The following FOXP2 variants were observed in gnomAD, a reference collection of about 807,000 sequenced individuals.
FOXP2 encodes forkhead box P2.
Under a neutral mutation model 115.8 loss-of-function variants are expected in FOXP2, and 12 were observed. The observed-to-expected ratio is 0.10, with a 90% CI of 0.07 to 0.17. The LOEUF is 0.17. FOXP2 is among the 10% of genes least tolerant of loss of function. The pLI, the probability that FOXP2 is intolerant of heterozygous loss-of-function variation, is 1.00. For synonymous variants in FOXP2, 328 were observed against 297.7 expected, an observed-to-expected ratio of 1.10 and a Z score of -1.05; for missense variants, 629 against 843.5, an observed-to-expected ratio of 0.75 and a Z score of 3.15.
chr7:114,423,974 T>C (rs970406623), intron 1 of FOXP2, among the ~76,000 whole-genome samples: 2 of 151,534 alleles, frequency 1.3e-5, no homozygotes, highest in Non-Finnish European at 3.0e-5. Flanking sequence ...GTACTATCAC[T>C]GTTATAGTTT....
At position 114,339,091 on chromosome 7, in the gene FOXP2, G is replaced by A. The variant is rs368417370; in HGVS notation, c.-11+50982G>A. On this transcript the variant is annotated intron_variant, in intron 2 of 17. Transcript: ENST00000634411. ...GAAAAAAGTGTACTATTGAGACTGA[G>A]ATGAAAGGCAAGAGCTGTTGAAATG... is the stretch of plus-strand genomic sequence containing the variant. Among the ~76,000 whole-genome samples the A allele has an allele frequency of 6.6e-5, 10 of 151,248 alleles. No homozygotes were observed. In the East Asian group the frequency reaches 1.4e-3, roughly 20 times the overall value.
intron 1 of FOXP2, among the ~76,000 whole-genome samples, chr7:114,090,002 T>C (rs1299188857): frequency 6.6e-6 from 1 of 151,992 alleles, no homozygotes; most frequent in Non-Finnish European, 1.5e-5. Context: ...ATAAAACTTA[T>C]TTACATAAAA....
chr7:114,625,482 T>G (rs1251700598), intron 3 of FOXP2, among the ~76,000 whole-genome samples: 1 of 151,898 alleles, frequency 6.6e-6, no homozygotes, highest in Non-Finnish European at 1.5e-5. Context: ...TTTAAAAGGC[T>G]GATACTGATT....
At chr7:114,545,722 A>G (rs2129283845) in intron 3 of FOXP2, among the ~76,000 whole-genome samples, 1 of 152,238 alleles carries the variant, frequency 6.6e-6, no homozygotes, top group Non-Finnish European at 1.5e-5. Context: ...ATAGTTACTC[A>G]AACATCGGTT....
chr7:114,489,907 C>T (rs1195917950), intron 2 of FOXP2, among the ~76,000 whole-genome samples: 1 of 151,966 alleles, frequency 6.6e-6, no homozygotes, highest in African/African-American at 2.4e-5. Flanking sequence ...TCAGAATGGC[C>T]CAAATCCAGA....
At chr7:114,497,657 ATAAATAAG>A (rs1385943024) in intron 2 of FOXP2, among the ~76,000 whole-genome samples, 1 of 131,948 alleles carries the variant, frequency 7.6e-6, no homozygotes, top group East Asian at 2.1e-4. Flanking sequence ...CATCTAAAAA[ATAAATAAG>A]TAAATAAATA....
intron 3 of FOXP2, among the ~76,000 whole-genome samples, chr7:114,592,090 C>T (rs2129308487): frequency 6.6e-6 from 1 of 152,152 alleles, no homozygotes; most frequent in South Asian, 2.1e-4. Flanking sequence ...TAGAGAGTTT[C>T]TGTGAGATTT....
chr7:114,564,648 G>A (rs1800916924), intron 3 of FOXP2, among the ~76,000 whole-genome samples: 1 of 152,062 alleles, frequency 6.6e-6, no homozygotes, highest in Non-Finnish European at 1.5e-5. Flanking sequence ...GGGAGGCCGA[G>A]GTGGGAGGAT....
chr7:114,242,448 A>G (rs766179642), intron 1 of FOXP2, among the ~76,000 whole-genome samples: 3 of 152,060 alleles, frequency 2.0e-5, no homozygotes, highest in Non-Finnish European at 2.9e-5. Flanking sequence ...TGTTGCATCA[A>G]ATTTACAATT....
At chr7:114,661,514 A>G (rs575589701) in intron 13 of FOXP2, among the ~76,000 whole-genome samples, 2 of 152,138 alleles carry the variant, frequency 1.3e-5, no homozygotes, top group African/African-American at 4.8e-5. Context: ...TTGTGCAGGC[A>G]GAACGTTACA....
chr7:114,547,849 A>G (rs1424605611), intron 3 of FOXP2, among the ~76,000 whole-genome samples: 1 of 152,230 alleles, frequency 6.6e-6, no homozygotes, highest in East Asian at 1.9e-4. Context: ...ATTTATTGGT[A>G]TATAATTTTT....
intron 3 of FOXP2, among the ~76,000 whole-genome samples, chr7:114,625,931 A>G (rs1804549214): frequency 6.6e-6 from 1 of 151,734 alleles, no homozygotes; most frequent in Non-Finnish European, 1.5e-5. Flanking sequence ...TTTTGTACAC[A>G]TAGAAGTAGA....
intron 2 of FOXP2, among the ~76,000 whole-genome samples, chr7:114,473,436 T>G (rs1238088066): frequency 6.6e-6 from 1 of 152,196 alleles, no homozygotes; most frequent in Non-Finnish European, 1.5e-5. Context: ...GGTCTGCTTA[T>G]TAAAAGTTAT....
At chr7:114,254,430 C>T (rs190518813) in intron 1 of FOXP2, among the ~76,000 whole-genome samples, 1 of 152,292 alleles carries the variant, frequency 6.6e-6, no homozygotes, top group Non-Finnish European at 1.5e-5. Context: ...TCAGGTACAC[C>T]AATCAGACAT....
At chr7:114,156,836 T>G (rs1792684601) in intron 1 of FOXP2, among the ~76,000 whole-genome samples, 1 of 152,290 alleles carries the variant, frequency 6.6e-6, no homozygotes, top group Non-Finnish European at 1.5e-5. Context: ...GAAATTGTCA[T>G]GTAACATGAT....
chr7:114,138,083 A>G (rs1792090760), intron 1 of FOXP2, among the ~76,000 whole-genome samples: 1 of 152,204 alleles, frequency 6.6e-6, no homozygotes, highest in African/African-American at 2.4e-5. Flanking sequence ...CCATGAGCCC[A>G]TATTAAATAC....
At chr7:114,451,943 G>A (rs1234344680) in intron 2 of FOXP2, among the ~76,000 whole-genome samples, 1 of 151,928 alleles carries the variant, frequency 6.6e-6, no homozygotes, top group Non-Finnish European at 1.5e-5. Context: ...ACATTGAAAT[G>A]TAATTGTTAG....
chr7:114,270,336 C>T (rs1357129287), intron 1 of FOXP2, among the ~76,000 whole-genome samples: 1 of 152,112 alleles, frequency 6.6e-6, no homozygotes, highest in African/African-American at 2.4e-5. Context: ...TGGCTAAATA[C>T]CAAACAGCAC....
At chr7:114,682,418 G>A (rs1808133822) in intron 16 of FOXP2, among the ~76,000 whole-genome samples, 1 of 152,098 alleles carries the variant, frequency 6.6e-6, no homozygotes, top group Admixed American at 6.5e-5. Context: ...ATGGGAAGAG[G>A]ATTCATAATG....
Sources: allele counts gnomAD v4.1 joint callset (sites outside exome capture counted in the v4.1 genomes callset), GRCh38; gene constraint gnomAD v4.1.1; transcripts MANE v1.5; gene names NCBI Gene and HGNC (gene_info 2026-07-23, HGNC 2026-07-21).